Variants in RPGRIP1L observed in about 807,000 individuals in gnomAD.
RPGRIP1L encodes the protein protein fantom.
Under a neutral mutation model 160.4 loss-of-function variants are expected in RPGRIP1L, and 131 were observed. The ratio of observed to expected loss-of-function variants is 0.82; its 90% CI spans 0.71 to 0.94. The LOEUF (loss-of-function observed/expected upper bound fraction) is 0.94, where lower values mean the gene tolerates loss of function less well. Among genes scored for constraint, RPGRIP1L ranks in the 40% least tolerant of loss-of-function variants. The pLI, the probability that RPGRIP1L is intolerant of heterozygous loss-of-function variation, is 0.00. For missense variants in RPGRIP1L, 1,522 were observed against 1,535.8 expected (o/e 0.99, Z 0.15); for synonymous variants, 510 against 515.8 (o/e 0.99, Z 0.15).
intron 26 of RPGRIP1L, among the ~76,000 whole-genome samples, chr16:53,602,741 G>A (rs942695837): frequency 1.3e-5 from 2 of 149,696 alleles, no homozygotes; most frequent in Admixed American, 6.7e-5. Context: ...GCCACTGCAC[G>A]CCAGCCTGAG....
At chr16:53,700,886 A>G (rs1478950293) in intron 1 of RPGRIP1L, among the ~76,000 whole-genome samples, 156 bp from the exon 2 acceptor site, 1 of 152,182 alleles carries the variant, frequency 6.6e-6, no homozygotes, top group African/African-American at 2.4e-5. Context: ...TTCTATTCTA[A>G]TAGTACTACT....
Position 53,656,894 on chromosome 16 carries a change from T to G in RPGRIP1L, c.1582-305A>C, listed in dbSNP as rs111274730. Among the ~76,000 whole-genome samples the G allele has an allele frequency of 4.4e-3, 674 of 152,308 alleles. 6 individuals are homozygous for G. Among genetic ancestry groups the G allele is most frequent in the African/African-American group, 0.015 (644 of 41,564 alleles). On this transcript the variant is annotated intron_variant, in intron 13 of 26. Coordinates refer to ENST00000647211, the MANE Select transcript of RPGRIP1L (RefSeq NM_015272.5). ...ACTCACTCGCAGAATGTGCTAAAGCTAACAAAGGTGATTTCATTGCCACTA... is the reference window on the plus strand; with the variant it reads ...ACTCACTCGCAGAATGTGCTAAAGCGAACAAAGGTGATTTCATTGCCACTA...
intron 3 of RPGRIP1L, chr16:53,694,389 A>G (rs1406486725): frequency 6.7e-6 from 1 of 149,310 alleles, no homozygotes; most frequent in Non-Finnish European, 1.5e-5. Flanking sequence ...GTGAGCCGAG[A>G]TCTTACCACT....
chr16:53,673,483 G>C (rs937642851), intron 7 of RPGRIP1L, among the ~76,000 whole-genome samples: 13 of 149,226 alleles, frequency 8.7e-5, no homozygotes, highest in Admixed American at 1.3e-4. Flanking sequence ...ATACAATTAA[G>C]TTAAAATTTC....
At position 53,688,532 on chromosome 16, in the gene RPGRIP1L, C is replaced by G. The variant is rs573144833; in HGVS notation, c.530-567G>C. Among the ~76,000 whole-genome samples, 13 of 151,980 alleles carry G rather than the reference C, an allele frequency of 8.6e-5. No individual in the cohort carries two copies. The South Asian group carries it at 2.7e-3, about 31-fold the overall frequency. ...CTGCTGCACTTAAAATATAATTTTTCTTATAGAAATCTGTAGAATTTTACA... is the reference window on the plus strand; with the variant it reads ...CTGCTGCACTTAAAATATAATTTTTGTTATAGAAATCTGTAGAATTTTACA... On this transcript the variant is annotated intron_variant, in intron 4 of 26. Coordinates refer to ENST00000647211, the MANE Select transcript of RPGRIP1L (RefSeq NM_015272.5).
intron 22 of RPGRIP1L, among the ~76,000 whole-genome samples, chr16:53,634,227 G>C (rs1598283525): frequency 1.3e-5 from 2 of 152,094 alleles, no homozygotes; most frequent in Admixed American, 1.3e-4. Context: ...TCCCATTCAC[G>C]AGAGCTCTGT....
At chr16:53,684,468 T>A (rs1045487805) in intron 6 of RPGRIP1L, among the ~76,000 whole-genome samples, 6 of 152,106 alleles carry the variant, frequency 3.9e-5, no homozygotes, top group Admixed American at 3.9e-4. Context: ...TTGGAAACCA[T>A]CATTCTCAGC....
At position 53,601,309 on chromosome 16, in the gene RPGRIP1L, C is replaced by A. The variant is rs1178464773; in HGVS notation, c.*767G>T. 6.6e-6 allele frequency: 1 copy of A among 152,288 alleles called. No homozygotes were observed. Among genetic ancestry groups the A allele is most frequent in the East Asian group, 1.9e-4 (1 of 5,204 alleles). 9.4% of individuals were successfully genotyped at this position (152,288 alleles called of 1,614,324 possible). A position where few individuals can be genotyped will look rare whatever the true frequency, so the allele number is the denominator to read the frequency against. On this transcript the variant is annotated 3_prime_UTR_variant, in exon 27 of 27. Coordinates refer to ENST00000647211, the MANE Select transcript of RPGRIP1L (RefSeq NM_015272.5). Reference sequence around the variant, plus strand: ...CTTTCTGTGTCATATACTAAGTTTTCAACGTGTAAATTTCACATCTATCTA... The same window carrying A: ...CTTTCTGTGTCATATACTAAGTTTTAAACGTGTAAATTTCACATCTATCTA...
chr16:53,692,419 T>A (rs1399910708), intron 3 of RPGRIP1L, 55 bp from the exon 4 acceptor site: 1 of 1,528,818 alleles, frequency 6.5e-7, no homozygotes. Flanking sequence ...ATAAAATCCA[T>A]TCTGTTGAAA....
chr16:53,652,351 G>C (rs1352917760), intron 15 of RPGRIP1L, among the ~76,000 whole-genome samples, 184 bp downstream of exon 15: 1 of 152,224 alleles, frequency 6.6e-6, no homozygotes, highest in Non-Finnish European at 1.5e-5. Context: ...GGGATTAAAG[G>C]AGTGAGCCAC....
intron 22 of RPGRIP1L, among the ~76,000 whole-genome samples, chr16:53,626,661 C>T (rs1307184572): frequency 6.6e-6 from 1 of 151,812 alleles, no homozygotes; most frequent in African/African-American, 2.4e-5. Flanking sequence ...AAAAATTAGC[C>T]AGGTGTGGTG....
At chr16:53,664,690 T>C (rs564662729) in intron 10 of RPGRIP1L, among the ~76,000 whole-genome samples, 180 bp downstream of exon 10, 2 of 152,230 alleles carry the variant, frequency 1.3e-5, no homozygotes, top group Non-Finnish European at 2.9e-5. Flanking sequence ...GCATATACAC[T>C]AAGCTGAGTA....
intron 8 of RPGRIP1L, among the ~76,000 whole-genome samples, chr16:53,672,295 A>G (rs999257224): frequency 6.6e-6 from 1 of 152,024 alleles, no homozygotes; most frequent in African/African-American, 2.4e-5. Context: ...CATTTTCAGA[A>G]TTCTCTTTTG....
chr16:53,617,032 A>ACTG (rs1964418330), intron 24 of RPGRIP1L, among the ~76,000 whole-genome samples: 1 of 139,546 alleles, frequency 7.2e-6, no homozygotes, highest in South Asian at 2.3e-4. Context: ...AGATTGTGCC[A>ACTG]CTGCACTCCA....
At chr16:53,701,500 A>T (rs1971391085) in intron 1 of RPGRIP1L, among the ~76,000 whole-genome samples, 1 of 150,246 alleles carries the variant, frequency 6.7e-6, no homozygotes, top group Non-Finnish European at 1.5e-5. Context: ...TTGAGTATGG[A>T]TGTGAGTGGT....
At chr16:53,699,817 C>CAAAAAAAAAAAAAAAAAAAAAAAAAAA (rs71146704) in intron 2 of RPGRIP1L, among the ~76,000 whole-genome samples, 1 of 94,628 alleles carries the variant, frequency 1.1e-5, no homozygotes. Context: ...GACTTCGTCT[C>CAAAAAAAAAAAAAAAAAAAAAAAAAAA]AAAAAAAAAA....
rs4374168 is a variant in RPGRIP1L at position 53,697,868 on chromosome 16, G to A, written c.86-1573C>T. 4.2e-3 allele frequency among the ~76,000 whole-genome samples: 642 copies of A among 151,376 alleles called. 4 individuals are homozygous for A. The highest frequency in any genetic ancestry group is 0.015 in the African/African-American group (614 of 41,152). ...CCCCTCTGCCTGGCTGCCCAGTCTG[G>A]AAAGTGAGGAGCGTCTCTGCCCGGC... On this transcript the variant is annotated intron_variant, in intron 2 of 26. Coordinates refer to ENST00000647211, the MANE Select transcript of RPGRIP1L (RefSeq NM_015272.5).
At chr16:53,609,505 T>G (rs548504511) in intron 25 of RPGRIP1L, among the ~76,000 whole-genome samples, 2 of 125,338 alleles carry the variant, frequency 1.6e-5, no homozygotes, top group Non-Finnish European at 3.2e-5. Context: ...ATAAACACTT[T>G]TGGGGTAAAA....
chr16:53,679,007 G>C (rs1255592439), intron 6 of RPGRIP1L, among the ~76,000 whole-genome samples: 1 of 152,202 alleles, frequency 6.6e-6, no homozygotes, highest in Non-Finnish European at 1.5e-5. Flanking sequence ...TAAAATAGCT[G>C]AGGAAAGTCT....
Sources: allele counts gnomAD v4.1 joint callset (sites outside exome capture counted in the v4.1 genomes callset), GRCh38; gene constraint gnomAD v4.1.1; transcripts MANE v1.5; gene names NCBI Gene and HGNC (gene_info 2026-07-23, HGNC 2026-07-21).